The following ENPP2 variants were observed in gnomAD, a reference collection of about 807,000 sequenced individuals.
ENPP2 encodes the protein ectonucleotide pyrophosphatase/phosphodiesterase 2, also known as autotaxin.
ENPP2 carries 51 observed loss-of-function variants against 120.2 expected under a neutral mutation model. That is an observed-to-expected ratio of 0.42 (90% CI 0.34 to 0.54). The LOEUF (loss-of-function observed/expected upper bound fraction) is 0.54, where lower values mean the gene tolerates loss of function less well. ENPP2 is among the 20% of genes least tolerant of loss of function. The pLI is 0.04. For synonymous variants in ENPP2, 365 were observed against 366.4 expected (o/e 1.00, Z 0.04); for missense variants, 920 against 1,066.5 (o/e 0.86, Z 1.91).
intron 9 of ENPP2, among the ~76,000 whole-genome samples, chr8:119,606,272 G>A (rs138931167): frequency 2.1e-3 from 317 of 152,210 alleles, no homozygotes; most frequent in Non-Finnish European, 3.2e-3. Flanking sequence ...GACATCTTTG[G>A]AGCATACAAA....
chr8:119,673,159 G>A lies in ENPP2; in HGVS notation c.21+93C>T, dbSNP rs1281889089. On this transcript the variant is annotated intron_variant, in intron 1 of 25. Transcript: ENST00000427067. ...GGACTGCTTTCCGGCAAACCTGGAG[G>A]CCCTTTGCAAGGTTTTTCTGCTTGA... 2.7e-6 allele frequency: 3 copies of A among 1,093,052 alleles called. No homozygotes were observed. In the African/African-American group the frequency reaches 4.6e-5, roughly 17 times the overall value. 67.7% of individuals were successfully genotyped at this position (1,093,052 alleles called of 1,614,324 possible).
At chr8:119,650,348 G>A (rs529045295) in intron 1 of ENPP2, among the ~76,000 whole-genome samples, 1 of 152,248 alleles carries the variant, frequency 6.6e-6, no homozygotes, top group East Asian at 1.9e-4. Flanking sequence ...GACCGATATC[G>A]GGTATGAGTT....
At chr8:119,647,834 G>A (rs973756701) in intron 1 of ENPP2, among the ~76,000 whole-genome samples, 8 of 152,080 alleles carry the variant, frequency 5.3e-5, no homozygotes, top group African/African-American at 4.8e-5. Context: ...GCAAAATCCC[G>A]TCTTTACTAA....
chr8:119,584,131 T>A, intron 15 of ENPP2, 82 bp from the exon 16 acceptor site: 1 of 909,264 alleles, frequency 1.1e-6, no homozygotes, highest in Non-Finnish European at 1.8e-6. Flanking sequence ...GTACAAAGAA[T>A]ATCTAAGAAG....
At chr8:119,615,546 T>A (rs1271049525) in intron 8 of ENPP2, among the ~76,000 whole-genome samples, 1 of 152,206 alleles carries the variant, frequency 6.6e-6, no homozygotes, top group Non-Finnish European at 1.5e-5. Context: ...AGTCATTTGA[T>A]CTGAAGTAAA....
chr8:119,616,494 C>T, intron 7 of ENPP2, 110 bp from the exon 8 acceptor site: 2 of 656,154 alleles, frequency 3.0e-6, no homozygotes, highest in Non-Finnish European at 4.9e-6. Flanking sequence ...TACTTAATTT[C>T]CAAAATTATA....
chr8:119,592,196 A>G (rs1452507778), intron 12 of ENPP2, among the ~76,000 whole-genome samples: 1 of 152,154 alleles, frequency 6.6e-6, no homozygotes, highest in African/African-American at 2.4e-5. Context: ...ACACTAAACC[A>G]TACCATCTTT....
At position 119,665,833 on chromosome 8, in the gene ENPP2, C is replaced by T. The variant is rs188655142; in HGVS notation, c.21+7419G>A. ...ATATCCTTCTTTCCATCAATAATTG[C>T]CTTGCCATCTTAGAAAAATATAAAT... is the stretch of plus-strand genomic sequence containing the variant. On this transcript the variant is annotated intron_variant, in intron 1 of 25. Transcript: ENST00000427067. Among the ~76,000 whole-genome samples the T allele has an allele frequency of 1.7e-3, 259 of 152,202 alleles. 1 individual carries two copies. The highest frequency in any genetic ancestry group is 3.1e-3 in the Non-Finnish European group (212 of 68,012).
At chr8:119,606,961 G>A (rs547648632) in intron 9 of ENPP2, among the ~76,000 whole-genome samples, 25 of 151,966 alleles carry the variant, frequency 1.6e-4, no homozygotes, top group Admixed American at 2.6e-4. Context: ...TCATCAACAT[G>A]TTGATACTTT....
At chr8:119,600,629 G>T in intron 11 of ENPP2, 49 bp downstream of exon 11, 1 of 1,135,450 alleles carries the variant, frequency 8.8e-7, no homozygotes, top group Non-Finnish European at 1.3e-6. Context: ...CAGTAGATCA[G>T]GTAGCCCAGG....
intron 2 of ENPP2, among the ~76,000 whole-genome samples, chr8:119,632,795 C>T (rs1013052648): frequency 2.6e-5 from 4 of 152,172 alleles, no homozygotes; most frequent in Non-Finnish European, 2.9e-5. Context: ...GCCGGCCGGG[C>T]ACGGTGGCTC....
chr8:119,617,608 G>T, intron 5 of ENPP2, 45 bp from the exon 6 acceptor site: 1 of 1,361,534 alleles, frequency 7.3e-7, no homozygotes, highest in Non-Finnish European at 1.0e-6. Flanking sequence ...TATTACCAGA[G>T]TTGCCATTAC....
intron 9 of ENPP2, among the ~76,000 whole-genome samples, chr8:119,602,056 T>C (rs7007302): frequency 0.52 from 78,715 of 152,046 alleles, 20,817 homozygotes; most frequent in South Asian, 0.7. Context: ...CTCTAAATAA[T>C]GGTATGACTT....
intron 3 of ENPP2, among the ~76,000 whole-genome samples, chr8:119,624,601 G>T (rs1035190063): frequency 1.3e-5 from 2 of 152,076 alleles, no homozygotes; most frequent in Non-Finnish European, 2.9e-5. Context: ...ATTCATAATA[G>T]TAAAACTCAG....
At chr8:119,607,801 A>G (rs1016811511) in intron 9 of ENPP2, 121 bp downstream of exon 9, 1 of 648,146 alleles carries the variant, frequency 1.5e-6, no homozygotes, top group East Asian at 2.9e-5. Context: ...TTGATTTAGT[A>G]AATATTCAAA....
Position 119,619,247 on chromosome 8 carries a change from G to A in ENPP2, c.476C>T (p.Ala159Val), listed in dbSNP as rs780821667. The A allele has an allele frequency of 3.7e-6, 6 of 1,607,804 alleles. No homozygotes were observed. Among genetic ancestry groups the A allele is most frequent in the Non-Finnish European group, 5.1e-6 (6 of 1,174,760 alleles). ...CEEIKAAECPAGFVRPPLIIF... is the reference protein window; with the variant it reads ...CEEIKAAECPVGFVRPPLIIF... The stretch of plus-strand genomic sequence containing the variant: ...AATAGTCATAAAATACACTTACCCT[G>A]CAGGGCATTCTGCGGCCTTTATTTC... The change falls in exon 5 of 25, where the codon GCA (alanine) becomes GTA (valine). Residue 159 changes from alanine to valine, a missense_variant. Physicochemically the swap from Ala to Val is moderately conservative, Grantham distance 64 (BLOSUM62 0). Transcript: ENST00000075322.
intron 1 of ENPP2, among the ~76,000 whole-genome samples, chr8:119,672,140 A>T (rs771360142): frequency 5.9e-5 from 9 of 152,074 alleles, no homozygotes; most frequent in Non-Finnish European, 2.9e-5. Flanking sequence ...TAGTGAGGAG[A>T]TGTCGGGAGA....
chr8:119,576,345 T>C (rs1812339191), intron 19 of ENPP2, among the ~76,000 whole-genome samples: 1 of 151,848 alleles, frequency 6.6e-6, no homozygotes, highest in Non-Finnish European at 1.5e-5. Flanking sequence ...ACCATGTTGG[T>C]CAGGCTGGTT....
chr8:119,616,206 G>A (rs1272362114), intron 8 of ENPP2, 59 bp downstream of exon 8: 5 of 1,496,434 alleles, frequency 3.3e-6, no homozygotes, highest in Non-Finnish European at 4.5e-6. Context: ...ATTTGGGGAT[G>A]AAATGTCTCA....
Sources: gnomAD v4.1 joint callset for allele counts (sites outside exome capture counted in the v4.1 genomes callset) on GRCh38, gnomAD v4.1.1 for gene constraint, MANE v1.5 for transcripts, NCBI Gene and HGNC (gene_info 2026-07-23, HGNC 2026-07-21) for gene names.